Variants in SYT2 observed in about 807,000 individuals in gnomAD.
The protein encoded by SYT2 is synaptotagmin 2, also known as synaptotagmin-2.
SYT2 carries 15 observed loss-of-function variants against 39.9 expected under a neutral mutation model. That is an observed-to-expected ratio of 0.38 (90% CI 0.25 to 0.58). SYT2 has a LOEUF of 0.58. SYT2 is among the 20% of genes least tolerant of loss of function. The pLI is 0.70. For missense variants in SYT2, 389 were observed against 530.3 expected, an observed-to-expected ratio of 0.73 and a Z score of 2.62; for synonymous variants, 181 against 204.5, an observed-to-expected ratio of 0.89 and a Z score of 0.98.
At chr1:202,655,878 G>C (rs937469528) in intron 1 of SYT2, among the ~76,000 whole-genome samples, 4 of 152,186 alleles carry the variant, frequency 2.6e-5, no homozygotes, top group Non-Finnish European at 4.4e-5. Context: ...GGGAACACAG[G>C]GAAGGGTGAT....
At chr1:202,629,028 C>T (rs1558438229) in intron 1 of SYT2, among the ~76,000 whole-genome samples, 1 of 152,234 alleles carries the variant, frequency 6.6e-6, no homozygotes, top group Non-Finnish European at 1.5e-5. Context: ...ATGGCCATGG[C>T]CGGTTCCTGA....
Position 202,623,317 on chromosome 1 carries a change from G to A in SYT2, c.-17-17528C>T, listed in dbSNP as rs532355172. On this transcript the variant is annotated intron_variant, in intron 1 of 8. Coordinates refer to ENST00000367268, the MANE Select transcript of SYT2 (RefSeq NM_177402.5). This position sits in a 1 kb window ranked among gnomAD's most constrained non-coding sequence, Gnocchi z 4.2. The stretch of plus-strand genomic sequence containing the variant: ...GAAGCTGCTGAGTCACAGTCCAGCC[G>A]CCTGGCCAGCCCTGAGCTGCCTGCT... 2.6e-5 allele frequency among the ~76,000 whole-genome samples: 4 copies of A among 152,210 alleles called. No individual in the cohort carries two copies. The highest frequency in any genetic ancestry group is 2.1e-4 in the South Asian group (1 of 4,828).
At chr1:202,650,831 A>G (rs1692177798) in intron 1 of SYT2, among the ~76,000 whole-genome samples, 1 of 152,158 alleles carries the variant, frequency 6.6e-6, no homozygotes. Context: ...ACAGCCAGAG[A>G]AGATGGCTTC....
At chr1:202,644,659 G>T (rs10920436) in intron 1 of SYT2, among the ~76,000 whole-genome samples, 19,199 of 151,660 alleles carry the variant, frequency 0.13, 1,724 homozygotes, top group East Asian at 0.31. Flanking sequence ...TCGAGTTTGG[G>T]GTTTGACCCA....
intron 1 of SYT2, among the ~76,000 whole-genome samples, chr1:202,615,852 C>T (rs180978942): frequency 6.6e-6 from 1 of 152,286 alleles, no homozygotes; most frequent in Admixed American, 6.5e-5. Context: ...GTCTTCTTTT[C>T]CCACCATGGT....
intron 1 of SYT2, among the ~76,000 whole-genome samples, chr1:202,663,103 G>A (rs1692415267): frequency 6.6e-6 from 1 of 152,018 alleles, no homozygotes; most frequent in South Asian, 2.1e-4. Flanking sequence ...AGTATGTGGG[G>A]CAAGGGACAG....
chr1:202,607,777 C>T (rs971316454), intron 1 of SYT2, among the ~76,000 whole-genome samples: 2 of 152,172 alleles, frequency 1.3e-5, no homozygotes, highest in African/African-American at 4.8e-5. Context: ...TCCGGTTTGG[C>T]GGGAACTGCA....
At chr1:202,638,149 AAC>A (rs1691792677) in intron 1 of SYT2, among the ~76,000 whole-genome samples, 1 of 152,252 alleles carries the variant, frequency 6.6e-6, no homozygotes, top group Non-Finnish European at 1.5e-5. Context: ...TTCCATGAGT[AAC>A]ACAGCAATCA....
At chr1:202,659,084 C>A (rs1481830248) in intron 1 of SYT2, among the ~76,000 whole-genome samples, 4 of 152,248 alleles carry the variant, frequency 2.6e-5, no homozygotes, top group African/African-American at 9.6e-5. Flanking sequence ...AATGACAACA[C>A]CCCTCCCCCT....
intron 1 of SYT2, among the ~76,000 whole-genome samples, chr1:202,675,504 T>A (rs1653343408): frequency 6.6e-6 from 1 of 152,060 alleles, no homozygotes; most frequent in African/African-American, 2.4e-5. Context: ...GCAAAGTCTT[T>A]CCCAAGGGGC....
At chr1:202,659,455 T>C (rs1692339887) in intron 1 of SYT2, among the ~76,000 whole-genome samples, 1 of 152,094 alleles carries the variant, frequency 6.6e-6, no homozygotes, top group African/African-American at 2.4e-5. Context: ...CACTGGGGGC[T>C]CTTTGCTGAC....
intron 1 of SYT2, among the ~76,000 whole-genome samples, chr1:202,646,919 G>A (rs775966087): frequency 6.6e-6 from 1 of 152,206 alleles, no homozygotes; most frequent in Non-Finnish European, 1.5e-5. Context: ...TCCTGGACAA[G>A]GTGGACAGCA....
chr1:202,638,949 G>A (rs988329044), intron 1 of SYT2, among the ~76,000 whole-genome samples: 1 of 152,218 alleles, frequency 6.6e-6, no homozygotes, highest in Non-Finnish European at 1.5e-5. Context: ...GGCCAACTGT[G>A]ACAAGCTGAG....
chr1:202,706,891 C>G (rs1654266330), intron 1 of SYT2, among the ~76,000 whole-genome samples: 1 of 152,198 alleles, frequency 6.6e-6, no homozygotes, highest in South Asian at 2.1e-4. Context: ...TACAATACTA[C>G]CCTGAGAGTT....
chr1:202,680,857 C>T (rs1239664619), intron 1 of SYT2, among the ~76,000 whole-genome samples: 1 of 152,118 alleles, frequency 6.6e-6, no homozygotes, highest in Non-Finnish European at 1.5e-5. Context: ...TGTGGATTTC[C>T]GTAAACTCCA....
intron 1 of SYT2, among the ~76,000 whole-genome samples, chr1:202,631,731 C>A (rs1217201852): frequency 1.3e-5 from 2 of 152,160 alleles, no homozygotes; most frequent in African/African-American, 4.8e-5. Context: ...CAGTCAGCAC[C>A]ACCCATTGAT....
chr1:202,600,572 T>C lies in SYT2; in HGVS notation c.802-98A>G, dbSNP rs1014199356. The C allele has an allele frequency of 7.9e-6, 8 of 1,008,228 alleles. No individual in the cohort carries two copies. In the African/African-American group the frequency reaches 1.3e-4, roughly 16 times the overall value. 62.5% of individuals were successfully genotyped at this position (1,008,228 alleles called of 1,614,324 possible). A position where few individuals can be genotyped will look rare whatever the true frequency, so the allele number is the denominator to read the frequency against. On this transcript the variant is annotated intron_variant, in intron 6 of 8. Coordinates refer to ENST00000367268, the MANE Select transcript of SYT2 (RefSeq NM_177402.5). ...TGCCAAAATTAGCAAGGCAGTGATG[T>C]GTCCCTGCCTCCCTCATCACCAGTC...
At position 202,600,368 on chromosome 1, in the gene SYT2, C is replaced by T; in HGVS notation, c.908G>A (p.Gly303Asp). The part of the protein sequence containing the change: ...EAKNLKKMDV[G>D]GLSDPYVKIH... Reference sequence around the variant, plus strand: ...AGCTCTCCACGTACCTGAAAGGCCGCCCACGTCCATCTTCTTGAGGTTCTT... The same window carrying T: ...AGCTCTCCACGTACCTGAAAGGCCGTCCACGTCCATCTTCTTGAGGTTCTT... The change falls in exon 7 of 9, where the codon GGC (glycine) becomes GAC (aspartate). Residue 303 changes from glycine (G) to aspartate (D), a missense_variant. By Grantham distance (94) the Gly-to-Asp change is moderately conservative. Transcript: ENST00000367268. 1.2e-6 allele frequency: 2 copies of T among 1,614,148 alleles called. No homozygotes were observed. The highest frequency in any genetic ancestry group is 8.5e-7 in the Non-Finnish European group (1 of 1,180,006).
intron 1 of SYT2, among the ~76,000 whole-genome samples, chr1:202,642,632 C>T (rs903365569): frequency 3.3e-5 from 5 of 152,224 alleles, no homozygotes; most frequent in African/African-American, 1.2e-4. Flanking sequence ...AATGCAGCCG[C>T]TCATCTCAAC....
Sources: allele counts gnomAD v4.1 joint callset (sites outside exome capture counted in the v4.1 genomes callset), GRCh38; gene constraint gnomAD v4.1.1; non-coding constraint Gnocchi (gnomAD v3.1); transcripts MANE v1.5; gene names NCBI Gene and HGNC (gene_info 2026-07-23, HGNC 2026-07-21).